ABCB5: variants seen among roughly 807,000 people sequenced by gnomAD.
ABCB5 encodes the protein ATP-binding cassette sub-family B member 5.
A neutral mutation model predicts 144.2 loss-of-function variants in ABCB5; 155 were observed. The ratio of observed to expected loss-of-function variants is 1.08; its 90% CI spans 0.94 to 1.23. ABCB5 has a LOEUF of 1.23. Among genes scored for constraint, ABCB5 ranks in the 50% most tolerant of loss-of-function variants. The pLI is 0.00. For missense variants in ABCB5, 1,830 were observed against 1,520.8 expected, an observed-to-expected ratio of 1.20 and a Z score of -3.38; for synonymous variants, 610 against 528.6, an observed-to-expected ratio of 1.15 and a Z score of -2.11.
intron 2 of ABCB5, 70 bp downstream of exon 2, chr7:20,623,408 T>C: frequency 8.1e-7 from 1 of 1,239,934 alleles, no homozygotes; most frequent in Admixed American, 2.3e-5. Flanking sequence ...TCCACACCTA[T>C]AGCAAAAATG....
At chr7:20,644,862 T>C (rs1451122152) in intron 7 of ABCB5, among the ~76,000 whole-genome samples, 1 of 152,204 alleles carries the variant, frequency 6.6e-6, no homozygotes, top group Non-Finnish European at 1.5e-5. Flanking sequence ...TGTCTTTACT[T>C]AGTGTGACTC....
In ABCB5 at chr7:20,682,032, T is replaced by C. The variant is rs550441869; in HGVS notation, c.1869+366T>C. ...CCATGCTGGCCAACATGGTGAAACC[T>C]TGTCTCTCAAAAACACACAAAAATT... On this transcript the variant is annotated intron_variant, in intron 15 of 27. Transcript: ENST00000404938. 1.5e-4 allele frequency among the ~76,000 whole-genome samples: 23 copies of C among 152,148 alleles called. 1 individual carries two copies. In the South Asian group the frequency reaches 4.8e-3, roughly 32 times the overall value.
In ABCB5 at chr7:20,753,425, T is replaced by TA; in HGVS notation, c.3496dup (p.Ile1166AsnfsTer16). The TA allele has an allele frequency of 6.2e-7, 1 of 1,614,140 alleles. No individual in the cohort carries two copies. Among genetic ancestry groups the TA allele is most frequent in the Non-Finnish European group, 8.5e-7 (1 of 1,180,016 alleles). On this transcript the variant is annotated frameshift_variant, in exon 27 of 28. Coordinates refer to ENST00000404938, the MANE Select transcript of ABCB5 (RefSeq NM_001163941.2). LOFTEE classifies it high-confidence loss of function. ...CTGGCGGCCAGAAACAAAGACTAGC[T>TA]ATTGCAAGGGCTCTTCTCCAAAAAC...
In ABCB5 at chr7:20,739,069, C is replaced by A. The variant is rs1247650249; in HGVS notation, c.2954C>A (p.Ala985Asp). The change falls in exon 24 of 28, where the codon GCT becomes GAT. Residue 985 changes from alanine (A) to aspartate (D), a missense_variant. Coordinates refer to ENST00000404938, the MANE Select transcript of ABCB5 (RefSeq NM_001163941.2). ...GAATATTCCAAAGCCAAATCGGGGG[C>A]TGCGCATCTGTTTGCCTTGTTGGAA... Reference protein sequence around the residue: ...APEYSKAKSGAAHLFALLEKK... With the variant: ...APEYSKAKSGDAHLFALLEKK... 3 of 1,611,962 alleles carry A rather than the reference C, an allele frequency of 1.9e-6. No individual in the cohort carries two copies. In the South Asian group the frequency reaches 3.3e-5, roughly 18 times the overall value.
In ABCB5 at chr7:20,647,583, C is replaced by T. The variant is rs1421828332; in HGVS notation, c.1030C>T (p.Pro344Ser). 3.8e-6 allele frequency: 6 copies of T among 1,590,326 alleles called. No homozygotes were observed. Among genetic ancestry groups the T allele is most frequent in the Non-Finnish European group, 5.1e-6 (6 of 1,167,184 alleles). ...CAGTTATTGCATTGGAGCAGCAGTCCCTCACTTTGAAACCTTCGCAATAGC... is the reference window on the plus strand; with the variant it reads ...CAGTTATTGCATTGGAGCAGCAGTCTCTCACTTTGAAACCTTCGCAATAGC... ...HSSYCIGAAV[P>S]HFETFAIARG... Residue 344 changes from proline to serine, a missense_variant, in exon 10 of 28, where the codon CCT becomes TCT. Transcript: ENST00000404938.
chr7:20,706,292 T>C (rs983924585), intron 20 of ABCB5, among the ~76,000 whole-genome samples: 1 of 152,218 alleles, frequency 6.6e-6, no homozygotes, highest in African/African-American at 2.4e-5. Flanking sequence ...CTTTACTGTG[T>C]TAATGTTTGT....
In ABCB5 at chr7:20,621,671, T is replaced by C. The variant is rs17215774; in HGVS notation, c.-21-1594T>C. ...AGGGTAACTAGGATTTGCAATATAATGCAGAATGTGTCACGAATATAATAC... is the reference window on the plus strand; with the variant it reads ...AGGGTAACTAGGATTTGCAATATAACGCAGAATGTGTCACGAATATAATAC... On this transcript the variant is annotated intron_variant, in intron 1 of 27. Coordinates refer to ENST00000404938, the MANE Select transcript of ABCB5 (RefSeq NM_001163941.2). Among the ~76,000 whole-genome samples, 1,218 of 152,224 alleles carry C rather than the reference T, an allele frequency of 8.0e-3. 13 individuals carry two copies. Among genetic ancestry groups the C allele is most frequent in the Non-Finnish European group, 0.013 (877 of 67,926 alleles).
At position 20,628,774 on chromosome 7, in the gene ABCB5, G is replaced by T; in HGVS notation, c.195G>T (p.Met65Ile). ...TCAATGGAGCCTGCCTTCCTTTAATGCCACTGGTTTTAGGAGAAATGAGTG... is the reference window on the plus strand; with the variant it reads ...TCAATGGAGCCTGCCTTCCTTTAATTCCACTGGTTTTAGGAGAAATGAGTG... ...SLVNGACLPL[M>I]PLVLGEMSDN... The change falls in exon 4 of 28, where the codon ATG becomes ATT. Residue 65 changes from methionine to isoleucine, a missense_variant. Met to Ile is a conservative substitution (Grantham distance 10). Coordinates refer to ENST00000404938, the MANE Select transcript of ABCB5 (RefSeq NM_001163941.2). 1 of 1,613,700 alleles carries T rather than the reference G, an allele frequency of 6.2e-7. No individual in the cohort carries two copies. Among genetic ancestry groups the T allele is most frequent in the Non-Finnish European group, 8.5e-7 (1 of 1,179,824 alleles).
intron 16 of ABCB5, among the ~76,000 whole-genome samples, chr7:20,695,436 T>TA (rs1786377391): frequency 6.6e-6 from 1 of 151,770 alleles, no homozygotes; most frequent in Admixed American, 6.6e-5. Flanking sequence ...TTAAAGCCCT[T>TA]ACGTAAAACC....
At chr7:20,708,553 A>G (rs1786900529) in intron 20 of ABCB5, among the ~76,000 whole-genome samples, 1 of 152,170 alleles carries the variant, frequency 6.6e-6, no homozygotes. Flanking sequence ...TATTGCAAAA[A>G]ACTTTACCAC....
rs1338801213 is a variant in ABCB5, at chr7:20,709,297, T to A, written c.2421+4490T>A. On this transcript the variant is annotated intron_variant, in intron 20 of 27. Transcript: ENST00000404938. ...CTTTGGTTTCATTCTCATTTTCATA[T>A]TTTAGTTTTGCGAAGAAATTCTGCT... Among the ~76,000 whole-genome samples, 4 of 150,026 alleles carry A rather than the reference T, an allele frequency of 2.7e-5. 1 individual carries two copies. The South Asian group carries it at 8.6e-4, about 32-fold the overall frequency.
intron 14 of ABCB5, among the ~76,000 whole-genome samples, chr7:20,679,471 CA>C (rs768696376): frequency 1.7e-4 from 10 of 59,444 alleles, no homozygotes; most frequent in Admixed American, 4.7e-4. Flanking sequence ...AACTCCATCT[CA>C]AAAAAAAAAA....
intron 14 of ABCB5, among the ~76,000 whole-genome samples, chr7:20,672,447 A>G (rs1785478597): frequency 6.6e-6 from 1 of 152,114 alleles, no homozygotes; most frequent in Non-Finnish European, 1.5e-5. Context: ...CAAATAGCTA[A>G]TGAGTGTGGG....
chr7:20,733,146 G>C (rs1014207554), intron 23 of ABCB5, among the ~76,000 whole-genome samples: 3 of 151,904 alleles, frequency 2.0e-5, no homozygotes, highest in African/African-American at 7.3e-5. Flanking sequence ...TCAAGTTCAT[G>C]GTTCCAGATT....
chr7:20,727,233 T>C, intron 22 of ABCB5, 93 bp downstream of exon 22: 1 of 794,734 alleles, frequency 1.3e-6, no homozygotes, highest in Non-Finnish European at 2.0e-6. Context: ...TGCTAATTCA[T>C]TTGCTCTTGA....
At chr7:20,633,218 A>G (rs975861887) in intron 5 of ABCB5, among the ~76,000 whole-genome samples, 1 of 152,116 alleles carries the variant, frequency 6.6e-6, no homozygotes, top group Non-Finnish European at 1.5e-5. Context: ...ATAATTTATA[A>G]GGATGTTCTG....
intron 5 of ABCB5, among the ~76,000 whole-genome samples, chr7:20,642,707 T>A (rs993321630): frequency 2.4e-4 from 37 of 152,306 alleles, no homozygotes; most frequent in Admixed American, 2.1e-3. Flanking sequence ...AGCTTTTCTA[T>A]ATTGTTACAA....
At chr7:20,704,432 C>T (rs1455376107) in intron 19 of ABCB5, among the ~76,000 whole-genome samples, 1 of 152,122 alleles carries the variant, frequency 6.6e-6, no homozygotes, top group Non-Finnish European at 1.5e-5. Context: ...AATAAAATTA[C>T]AAATCACTTG....
At chr7:20,677,014 A>G (rs936840518) in intron 14 of ABCB5, among the ~76,000 whole-genome samples, 1 of 152,194 alleles carries the variant, frequency 6.6e-6, no homozygotes, top group East Asian at 1.9e-4. Context: ...TTTTGTAGTT[A>G]ATTACCTTGT....
Sources: gnomAD v4.1 joint callset for allele counts (sites outside exome capture counted in the v4.1 genomes callset) on GRCh38, gnomAD v4.1.1 for gene constraint, MANE v1.5 for transcripts, NCBI Gene and HGNC (gene_info 2026-07-23, HGNC 2026-07-21) for gene names.